Variants in VNN2 observed in about 807,000 individuals in gnomAD.
VNN2 encodes vanin 2, also known as pantetheine hydrolase VNN2.
Under a neutral mutation model 43.0 loss-of-function variants are expected in VNN2, and 43 were observed. The observed-to-expected ratio is 1.00, with a 90% CI of 0.78 to 1.29. The LOEUF is 1.29. Among genes scored for constraint, VNN2 ranks in the 50% most tolerant of loss-of-function variants. The pLI, the probability that VNN2 is intolerant of heterozygous loss-of-function variation, is 0.00. For missense variants in VNN2, 652 were observed against 619.7 expected (o/e 1.05, Z -0.55); for synonymous variants, 230 against 224.3 (o/e 1.03, Z -0.23).
At chr6:132,758,547 C>A (rs748393443), upstream of VNN2, among the ~76,000 whole-genome samples, 5 of 151,992 alleles carry the variant, frequency 3.3e-5, no homozygotes, top group Non-Finnish European at 7.4e-5. Context: ...ATAACTAACT[C>A]TCGTGTAAAA....
chr6:132,747,821 A>C (rs1779809109), intron 6 of VNN2, among the ~76,000 whole-genome samples: 1 of 152,198 alleles, frequency 6.6e-6, no homozygotes, highest in Non-Finnish European at 1.5e-5. Flanking sequence ...CCAACTCTTC[A>C]TGCACTATCA....
rs116688365 is a variant in VNN2, at chr6:132,744,912, G to A, written c.1372-421C>T. ...AGAAGAGAACAGGTAAGTGCTAGGA[G>A]GTCTGAGAAAAAAAAAACTGAACTG... On this transcript the variant is annotated intron_variant, in intron 6 of 6. Coordinates refer to ENST00000326499, the MANE Select transcript of VNN2 (RefSeq NM_004665.6). Among the ~76,000 whole-genome samples, 915 of 151,366 alleles carry A rather than the reference G, an allele frequency of 6.0e-3. 11 individuals are homozygous for A. The highest frequency in any genetic ancestry group is 0.02 in the African/African-American group (837 of 41,200).
intron 5 of VNN2, among the ~76,000 whole-genome samples, chr6:132,750,433 A>G (rs1213308231): frequency 6.7e-6 from 1 of 149,844 alleles, no homozygotes; most frequent in Non-Finnish European, 1.5e-5. Context: ...AGAGGTGAGG[A>G]GTTGGAGACC....
At chr6:132,752,415 C>G in intron 4 of VNN2, 46 bp downstream of exon 4, 1 of 1,555,052 alleles carries the variant, frequency 6.4e-7, no homozygotes, top group Non-Finnish European at 8.7e-7. Flanking sequence ...ATTCATTTCT[C>G]TGCACTTAAA....
At chr6:132,749,128 T>C (rs1779897532) in intron 6 of VNN2, among the ~76,000 whole-genome samples, 1 of 152,178 alleles carries the variant, frequency 6.6e-6, no homozygotes, top group Non-Finnish European at 1.5e-5. Flanking sequence ...ATGATCACAA[T>C]ATTTTCCCCT....
rs1454619943 is a variant in VNN2, at chr6:132,756,011, T to C, written c.369A>G (p.Ala123=). ...TGTCCTTGGCCAGGCAGCTGAGTCT[T>C]GCTTGTACTGGTGTGTGACCAAATC... The part of the protein sequence containing the change: ...PHRFGHTPVQ[A]RLSCLAKDNS... The change falls in exon 3 of 7, where the codon GCA becomes GCG. Residue 123 remains alanine, a synonymous_variant. Coordinates refer to ENST00000326499, the MANE Select transcript of VNN2 (RefSeq NM_004665.6). The C allele has an allele frequency of 1.9e-6, 3 of 1,612,712 alleles. No individual in the cohort carries two copies. Among genetic ancestry groups the C allele is most frequent in the African/African-American group, 2.7e-5 (2 of 74,906 alleles).
upstream of VNN2, among the ~76,000 whole-genome samples, chr6:132,762,643 A>C (rs1395318027): frequency 6.6e-6 from 1 of 152,156 alleles, no homozygotes; most frequent in Non-Finnish European, 1.5e-5. Flanking sequence ...CAGATGAGGT[A>C]ATCTTCCAGC....
At position 132,744,495 on chromosome 6, in the gene VNN2, A is replaced by G. The variant is rs1470480939; in HGVS notation, c.1372-4T>C. ...CCAAACGCCCATCTTTCAGCACCTA[A>G]AGAAAAGGTGGGAAAAGTACAGTCA... On this transcript the variant is annotated splice_polypyrimidine_tract_variant and splice_region_variant and intron_variant, in intron 6 of 6. Coordinates refer to ENST00000326499, the MANE Select transcript of VNN2 (RefSeq NM_004665.6). 6.4e-7 allele frequency: 1 copy of G among 1,566,772 alleles called. No homozygotes were observed. Among genetic ancestry groups the G allele is most frequent in the Non-Finnish European group, 8.6e-7 (1 of 1,162,324 alleles).
At chr6:132,748,915 A>G (rs1779884423) in intron 6 of VNN2, among the ~76,000 whole-genome samples, 1 of 152,128 alleles carries the variant, frequency 6.6e-6, no homozygotes, top group African/African-American at 2.4e-5. Flanking sequence ...TGGGTGACAG[A>G]GCAAGACTCT....
chr6:132,762,072 C>T (rs1273078662), upstream of VNN2, among the ~76,000 whole-genome samples: 2 of 152,146 alleles, frequency 1.3e-5, no homozygotes, highest in African/African-American at 4.8e-5. Context: ...TTTGGATGAC[C>T]GTGCTGAAGA....
At chr6:132,747,144 C>T (rs1482018015) in intron 6 of VNN2, among the ~76,000 whole-genome samples, 1 of 152,164 alleles carries the variant, frequency 6.6e-6, no homozygotes, top group Non-Finnish European at 1.5e-5. Context: ...CCCCTTCCCT[C>T]CTTCCTTCCA....
At chr6:132,752,391 G>T in intron 4 of VNN2, 70 bp downstream of exon 4, 1 of 1,502,698 alleles carries the variant, frequency 6.7e-7, no homozygotes, top group Non-Finnish European at 8.9e-7. Flanking sequence ...ATTAATACAA[G>T]TCATAACTGA....
At chr6:132,759,629 G>C (rs189228768), upstream of VNN2, among the ~76,000 whole-genome samples, 1 of 152,112 alleles carries the variant, frequency 6.6e-6, no homozygotes, top group African/African-American at 2.4e-5. Context: ...GAGTAGGTAC[G>C]ATTAAACAAA....
At chr6:132,761,514 G>T (rs1004794918), upstream of VNN2, among the ~76,000 whole-genome samples, 1 of 152,064 alleles carries the variant, frequency 6.6e-6, no homozygotes, top group Non-Finnish European at 1.5e-5. Flanking sequence ...ACAAAAACTA[G>T]CTGGGCATGG....
rs61004061 is a variant in VNN2, at chr6:132,753,951, TAAAAAAAAAA to T, written c.538-1212_538-1203del. ...CGGGATGACAGAGCCAGACTCTGCC[TAAAAAAAAAA>T]AAAAAAAAAAAAAAAAAGGAATTGA... On this transcript the variant is annotated intron_variant, in intron 3 of 6. Coordinates refer to ENST00000326499, the MANE Select transcript of VNN2 (RefSeq NM_004665.6). 9.9e-4 allele frequency: 93 copies of T among 94,164 alleles called. 1 individual carries two copies. Among genetic ancestry groups the T allele is most frequent in the African/African-American group, 8.9e-4 (22 of 24,582 alleles). The allele number at this position is 94,164 out of a possible 1,614,324, so 5.8% of individuals were successfully genotyped here. A position where few individuals can be genotyped will look rare whatever the true frequency, so the allele number is the denominator to read the frequency against.
In VNN2 at chr6:132,749,848, C is replaced by T. The variant is rs768579107; in HGVS notation, c.1218G>A (p.Lys406=). 5.0e-6 allele frequency: 8 copies of T among 1,613,922 alleles called. No homozygotes were observed. The East Asian group carries it at 1.8e-4, about 36-fold the overall frequency. The part of the protein sequence containing the change: ...REYWQVCTLL[K]CKTTNLTTCG... ...AAGTTGTCAAATTAGTAGTTTTGCA[C>T]TTCAGCAGTGTGCAGACCTATGTGG... Residue 406 remains lysine (K), a synonymous_variant, in exon 6 of 7, where the codon AAG becomes AAA. Transcript: ENST00000326499.
intron 5 of VNN2, 37 bp downstream of exon 5, chr6:132,751,108 T>C (rs1272698506): frequency 1.5e-5 from 23 of 1,537,438 alleles, no homozygotes; most frequent in Non-Finnish European, 2.0e-5. Flanking sequence ...GGAATTTACC[T>C]TTCACTTGAA....
At chr6:132,759,438 C>CAAAAAAAAA (rs58195059), upstream of VNN2, among the ~76,000 whole-genome samples, 70 of 68,996 alleles carry the variant, frequency 1.0e-3, no homozygotes, top group Middle Eastern at 9.3e-3. Context: ...AACTCCGTCT[C>CAAAAAAAAA]AAAAAAAAAA....
chr6:132,753,270 C>T (rs1318676728), intron 3 of VNN2: 3 of 253,512 alleles, frequency 1.2e-5, no homozygotes, highest in Non-Finnish European at 2.4e-5. Context: ...CATGATCCAC[C>T]CACCTGGGCC....
Sources: allele counts gnomAD v4.1 joint callset (sites outside exome capture counted in the v4.1 genomes callset), GRCh38; gene constraint gnomAD v4.1.1; transcripts MANE v1.5; gene names NCBI Gene and HGNC (gene_info 2026-07-23, HGNC 2026-07-21).